The following BABAM2 variants were observed in gnomAD, a reference collection of about 807,000 sequenced individuals.
BABAM2 encodes the protein BRISC and BRCA1-A complex member 2.
A neutral mutation model predicts 54.7 loss-of-function variants in BABAM2; 31 were observed. That is an observed-to-expected ratio of 0.57 (90% CI 0.43 to 0.77). The LOEUF is 0.77. BABAM2 is among the 30% of genes least tolerant of loss of function. The pLI, the probability that BABAM2 is intolerant of heterozygous loss-of-function variation, is 0.00. For synonymous variants in BABAM2, 167 were observed against 162.9 expected (o/e 1.03, Z -0.19); for missense variants, 364 against 455.8 (o/e 0.80, Z 1.83).
At chr2:28,152,431 C>A (rs1167902850) in intron 7 of BABAM2, among the ~76,000 whole-genome samples, 1 of 152,170 alleles carries the variant, frequency 6.6e-6, no homozygotes, top group East Asian at 1.9e-4. Context: ...AGGGATCTTT[C>A]TCCTCCTCCA....
At chr2:28,265,391 C>A (rs1352523444) in intron 10 of BABAM2, among the ~76,000 whole-genome samples, 1 of 152,152 alleles carries the variant, frequency 6.6e-6, no homozygotes, top group Non-Finnish European at 1.5e-5. Context: ...CAGGCCATTG[C>A]ACTCCAGCCT....
chr2:28,327,619 G>T (rs1017071902), intron 11 of BABAM2, among the ~76,000 whole-genome samples: 1 of 152,172 alleles, frequency 6.6e-6, no homozygotes, highest in Admixed American at 6.5e-5. Context: ...CGAGGAGGCC[G>T]AGCTGTATAA....
intron 7 of BABAM2, among the ~76,000 whole-genome samples, chr2:28,177,087 G>A (rs533500539): frequency 2.7e-4 from 41 of 152,052 alleles, no homozygotes; most frequent in African/African-American, 9.4e-4. Flanking sequence ...AATCCAAAAA[G>A]GTTCTTCCCT....
At chr2:28,237,766 G>C (rs1232615113) in intron 8 of BABAM2, among the ~76,000 whole-genome samples, 4 of 152,142 alleles carry the variant, frequency 2.6e-5, no homozygotes, top group Non-Finnish European at 5.9e-5. Flanking sequence ...CTTTTTAATA[G>C]TCAGCCTTTG....
chr2:28,035,413 G>A (rs1255595173), intron 5 of BABAM2, among the ~76,000 whole-genome samples: 1 of 152,082 alleles, frequency 6.6e-6, no homozygotes, highest in Non-Finnish European at 1.5e-5. Context: ...ATATAGCAGG[G>A]CATGCAGGGA....
At chr2:28,204,493 A>G (rs943684898) in intron 7 of BABAM2, among the ~76,000 whole-genome samples, 1 of 151,766 alleles carries the variant, frequency 6.6e-6, no homozygotes, top group Non-Finnish European at 1.5e-5. Flanking sequence ...GGCTAGAGTC[A>G]TTTGTGGGGA....
At chr2:28,050,945 A>G (rs972835887) in intron 6 of BABAM2, among the ~76,000 whole-genome samples, 6 of 152,168 alleles carry the variant, frequency 3.9e-5, no homozygotes, top group African/African-American at 9.7e-5. Flanking sequence ...GCAAGAGACT[A>G]CTGAGAGATA....
At chr2:28,287,383 T>C (rs937058979) in intron 10 of BABAM2, among the ~76,000 whole-genome samples, 1 of 152,238 alleles carries the variant, frequency 6.6e-6, no homozygotes, top group Non-Finnish European at 1.5e-5. Context: ...ATGCTATTTA[T>C]GGTGTTCTCT....
intron 10 of BABAM2, among the ~76,000 whole-genome samples, chr2:28,276,650 T>A (rs56150853): frequency 0.11 from 17,383 of 152,098 alleles, 1,116 homozygotes; most frequent in Middle Eastern, 0.19. Flanking sequence ...GCCTCACCCT[T>A]TCTACACTTG....
chr2:28,292,428 C>T (rs72786717), intron 10 of BABAM2, among the ~76,000 whole-genome samples: 11,721 of 152,250 alleles, frequency 0.077, 547 homozygotes, highest in Middle Eastern at 0.13. Flanking sequence ...ATAGATTATA[C>T]AGTTATCTTG....
intron 7 of BABAM2, among the ~76,000 whole-genome samples, chr2:28,232,414 G>A (rs1681495514): frequency 6.6e-6 from 1 of 152,266 alleles, no homozygotes; most frequent in Non-Finnish European, 1.5e-5. Context: ...ATGCCGTCAC[G>A]TTGCAGCCAA....
At position 28,235,646 on chromosome 2, in the gene BABAM2, T is replaced by TTTTGTTTG. The variant is rs369010050; in HGVS notation, c.681-1536_681-1529dup. ...TGAGTCAAAGTGCCCTAAACTCTTT[T>TTTTGTTTG]TTTGTTTGTTTGTTTGTTTGTTTGT... On this transcript the variant is annotated intron_variant, in intron 7 of 11. Coordinates refer to ENST00000379624, the MANE Select transcript of BABAM2 (RefSeq NM_199191.3). 7.2e-3 allele frequency among the ~76,000 whole-genome samples: 1,087 copies of TTTTGTTTG among 151,716 alleles called. 8 individuals carry two copies. Among genetic ancestry groups the TTTTGTTTG allele is most frequent in the African/African-American group, 0.025 (1,028 of 41,234 alleles).
chr2:27,894,576 T>G lies in BABAM2; in HGVS notation c.20T>G (p.Leu7Trp). ...GTTAAAATGTCCCCAGAAGTGGCCT[T>G]GAACCGAATATCTCCAATGCTCTCC... The part of the protein sequence containing the change: MSPEVA[L>W]NRISPMLSPF... Residue 7 changes from leucine to tryptophan, a missense_variant, in exon 2 of 12, where the codon TTG becomes TGG. Physicochemically the swap from Leu to Trp is moderately conservative, Grantham distance 61 (BLOSUM62 -2). Coordinates refer to ENST00000379624, the MANE Select transcript of BABAM2 (RefSeq NM_199191.3). 2 of 1,614,120 alleles carry G rather than the reference T, an allele frequency of 1.2e-6. No individual in the cohort carries two copies. Among genetic ancestry groups the G allele is most frequent in the Non-Finnish European group, 1.7e-6 (2 of 1,179,960 alleles).
Position 28,237,201 on chromosome 2 carries a change from G to A in BABAM2, c.681-1G>A. 2 of 1,612,650 alleles carry A rather than the reference G, an allele frequency of 1.2e-6. No individual in the cohort carries two copies. Among genetic ancestry groups the A allele is most frequent in the Non-Finnish European group, 1.7e-6 (2 of 1,178,784 alleles). ...TGTCCATTGTACTCTTGTCCTTTCAGTGCACTTGGAGGCTCCTCAGCTCTT... is the reference window on the plus strand; with the variant it reads ...TGTCCATTGTACTCTTGTCCTTTCAATGCACTTGGAGGCTCCTCAGCTCTT... On this transcript the variant is annotated splice_acceptor_variant, in intron 7 of 11. Coordinates refer to ENST00000379624, the MANE Select transcript of BABAM2 (RefSeq NM_199191.3). LOFTEE classifies it high-confidence loss of function.
intron 1 of BABAM2, among the ~76,000 whole-genome samples, chr2:27,891,298 G>T (rs1664820692): frequency 6.6e-6 from 1 of 152,074 alleles, no homozygotes; most frequent in African/African-American, 2.4e-5. Context: ...ACCCCTTTCC[G>T]TTCCATGACG....
chr2:28,232,729 G>T (rs1681529238), intron 7 of BABAM2, among the ~76,000 whole-genome samples: 1 of 152,140 alleles, frequency 6.6e-6, no homozygotes. Context: ...GTAATCTTAT[G>T]GGACCACTGT....
chr2:28,295,686 G>T (rs867219369), intron 10 of BABAM2, among the ~76,000 whole-genome samples: 2 of 152,012 alleles, frequency 1.3e-5, no homozygotes, highest in African/African-American at 4.8e-5. Flanking sequence ...TAGTAGAGAC[G>T]GGGTTTCACC....
At chr2:28,295,289 C>G (rs949467243) in intron 10 of BABAM2, among the ~76,000 whole-genome samples, 9 of 152,134 alleles carry the variant, frequency 5.9e-5, no homozygotes, top group African/African-American at 1.9e-4. Context: ...ATCTGCATTG[C>G]TTTGGATACT....
chr2:28,298,492 G>C lies in BABAM2; in HGVS notation c.1088+1G>C. 1 of 1,614,028 alleles carries C rather than the reference G, an allele frequency of 6.2e-7. No homozygotes were observed. Among genetic ancestry groups the C allele is most frequent in the Non-Finnish European group, 8.5e-7 (1 of 1,179,962 alleles). On this transcript the variant is annotated splice_donor_variant, in intron 11 of 11. Transcript: ENST00000379624. LOFTEE classifies it high-confidence loss of function. ...GAAATGAAATGGCCAAAAGAGCAAAGTAAGTGAATCTGTCGTTATTTCCAA... is the reference window on the plus strand; with the variant it reads ...GAAATGAAATGGCCAAAAGAGCAAACTAAGTGAATCTGTCGTTATTTCCAA...
Sources: gnomAD v4.1 joint callset for allele counts (sites outside exome capture counted in the v4.1 genomes callset) on GRCh38, gnomAD v4.1.1 for gene constraint, MANE v1.5 for transcripts, NCBI Gene and HGNC (gene_info 2026-07-23, HGNC 2026-07-21) for gene names.